Variants in ITGA8 observed in about 807,000 individuals in gnomAD.
ITGA8 encodes the protein integrin alpha-8.
A neutral mutation model predicts 142.3 loss-of-function variants in ITGA8; 91 were observed. The observed-to-expected ratio is 0.64, with a 90% CI of 0.54 to 0.76. The LOEUF (loss-of-function observed/expected upper bound fraction) is 0.76, where lower values mean the gene tolerates loss of function less well. Among genes scored for constraint, ITGA8 ranks in the 30% least tolerant of loss-of-function variants. The pLI is 0.00. For synonymous variants in ITGA8, 505 were observed against 485.2 expected (o/e 1.04, Z -0.54); for missense variants, 1,406 against 1,327.7 (o/e 1.06, Z -0.92).
Position 15,719,642 on chromosome 10 carries a change from C to G in ITGA8, c.130G>C (p.Glu44Gln), listed in dbSNP as rs749690110. ...GGGCCGCTGTACACTGTGAGCTTTT[C>G]CACGTCCAGGTTGAACGCCTGACAG... ...PACQAFNLDV[E>Q]KLTVYSGPKG... Residue 44 changes from glutamate to glutamine, a missense_variant, in exon 1 of 30, where the codon GAA (glutamate) becomes CAA (glutamine). Glu to Gln is a conservative substitution (Grantham distance 29). Transcript: ENST00000378076. 2.3e-5 allele frequency: 35 copies of G among 1,534,902 alleles called. No homozygotes were observed. The South Asian group carries it at 4.1e-4, about 18-fold the overall frequency.
intron 13 of ITGA8, among the ~76,000 whole-genome samples, chr10:15,618,742 C>T (rs936882690): frequency 2.6e-5 from 4 of 152,302 alleles, no homozygotes; most frequent in African/African-American, 7.2e-5. Flanking sequence ...TTCCTGCCCT[C>T]GAACATCAGA....
chr10:15,699,494 G>C (rs907606331), intron 2 of ITGA8, among the ~76,000 whole-genome samples: 1 of 152,304 alleles, frequency 6.6e-6, no homozygotes, highest in African/African-American at 2.4e-5. Flanking sequence ...ACATAGATCA[G>C]TCTAGCTCAT....
rs115427299 is a variant in ITGA8 at position 15,554,313 on chromosome 10, T to C, written c.2766+3761A>G. ...GACCCCCTGATGAATTGCCCTGAGTTCAGAACTGCAGGAGAGGCAGAGCCT... is the reference window on the plus strand; with the variant it reads ...GACCCCCTGATGAATTGCCCTGAGTCCAGAACTGCAGGAGAGGCAGAGCCT... On this transcript the variant is annotated intron_variant, in intron 26 of 29. Coordinates refer to ENST00000378076, the MANE Select transcript of ITGA8 (RefSeq NM_003638.3). 7.9e-3 allele frequency among the ~76,000 whole-genome samples: 1,207 copies of C among 152,270 alleles called. 15 individuals are homozygous for C. Among genetic ancestry groups the C allele is most frequent in the African/African-American group, 0.027 (1,139 of 41,544 alleles).
chr10:15,643,291 A>G (rs1484583006), intron 13 of ITGA8, among the ~76,000 whole-genome samples: 1 of 152,016 alleles, frequency 6.6e-6, no homozygotes, highest in Non-Finnish European at 1.5e-5. Context: ...AGAGATACAT[A>G]TATTTTTTGA....
At chr10:15,545,816 G>A (rs1257465768) in intron 27 of ITGA8, among the ~76,000 whole-genome samples, 1 of 152,014 alleles carries the variant, frequency 6.6e-6, no homozygotes, top group East Asian at 1.9e-4. Context: ...CTTTGTTAGA[G>A]TATGTATTAA....
chr10:15,706,677 T>G (rs1835264050), intron 2 of ITGA8, among the ~76,000 whole-genome samples: 1 of 152,182 alleles, frequency 6.6e-6, no homozygotes, highest in Non-Finnish European at 1.5e-5. Flanking sequence ...TGGTGTCAAG[T>G]GGTCCTCCTG....
intron 28 of ITGA8, among the ~76,000 whole-genome samples, chr10:15,521,289 G>A (rs987205791): frequency 6.6e-6 from 1 of 152,128 alleles, no homozygotes; most frequent in Non-Finnish European, 1.5e-5. Context: ...CTCCCAAAAT[G>A]CTGGGATTAC....
chr10:15,648,876 A>G (rs903161111), intron 11 of ITGA8, among the ~76,000 whole-genome samples: 1 of 152,224 alleles, frequency 6.6e-6, no homozygotes, highest in African/African-American at 2.4e-5. Flanking sequence ...AGGTCAACCA[A>G]TTCATTCCCT....
At chr10:15,540,620 A>C (rs1833549334) in intron 27 of ITGA8, among the ~76,000 whole-genome samples, 1 of 152,238 alleles carries the variant, frequency 6.6e-6, no homozygotes, top group Non-Finnish European at 1.5e-5. Context: ...TTGGGAGGAA[A>C]GCCAAATGTC....
chr10:15,633,795 T>C (rs78834066), intron 13 of ITGA8, among the ~76,000 whole-genome samples: 1 of 152,168 alleles, frequency 6.6e-6, no homozygotes, highest in South Asian at 2.1e-4. Context: ...CCCTCACTCA[T>C]ATATCACTAA....
intron 8 of ITGA8, among the ~76,000 whole-genome samples, chr10:15,667,783 A>G (rs1415390145): frequency 6.6e-6 from 1 of 152,028 alleles, no homozygotes; most frequent in African/African-American, 2.4e-5. Flanking sequence ...TGTACCCAGT[A>G]GTCATTCAGG....
At chr10:15,600,409 A>G (rs1249762054) in intron 20 of ITGA8, among the ~76,000 whole-genome samples, 1 of 152,254 alleles carries the variant, frequency 6.6e-6, no homozygotes, top group African/African-American at 2.4e-5. Flanking sequence ...ATGAGTAGAA[A>G]GAATTGAAAA....
chr10:15,626,525 C>G (rs748264616), intron 13 of ITGA8, among the ~76,000 whole-genome samples: 2 of 152,280 alleles, frequency 1.3e-5, no homozygotes, highest in East Asian at 3.9e-4. Flanking sequence ...GGCCTCCTTT[C>G]TCTTTCTTTT....
chr10:15,615,727 C>T (rs958421018), intron 14 of ITGA8, among the ~76,000 whole-genome samples: 2 of 152,040 alleles, frequency 1.3e-5, no homozygotes, highest in Non-Finnish European at 2.9e-5. Context: ...TTGACTAGGC[C>T]AGTCTCAAAT....
intron 24 of ITGA8, 35 bp downstream of exon 24, chr10:15,575,454 A>G (rs542103539): frequency 1.5e-6 from 2 of 1,377,656 alleles, no homozygotes; most frequent in South Asian, 2.3e-5. Flanking sequence ...TTAAGAATAA[A>G]CCCCTAACAC....
In ITGA8 at chr10:15,554,547, G is replaced by A. The variant is rs1235708932; in HGVS notation, c.2766+3527C>T. Among the ~76,000 whole-genome samples the A allele has an allele frequency of 2.0e-5, 3 of 152,120 alleles. No individual in the cohort carries two copies. The East Asian group carries it at 5.8e-4, about 29-fold the overall frequency. On this transcript the variant is annotated intron_variant, in intron 26 of 29. Coordinates refer to ENST00000378076, the MANE Select transcript of ITGA8 (RefSeq NM_003638.3). ...TCTGTGTCTGTCCTCCCCACCATGT[G>A]TGCACCCACACACTTGCACATATGC...
intron 2 of ITGA8, among the ~76,000 whole-genome samples, chr10:15,697,650 T>C (rs900964556): frequency 2.6e-5 from 4 of 152,246 alleles, no homozygotes; most frequent in African/African-American, 9.6e-5. Context: ...AATAATGGGC[T>C]TGGGCTTGGC....
chr10:15,561,802 C>T (rs1357146704), intron 25 of ITGA8, among the ~76,000 whole-genome samples: 3 of 152,148 alleles, frequency 2.0e-5, no homozygotes, highest in African/African-American at 7.2e-5. Context: ...TCCATTCACA[C>T]ACCCCTATAA....
chr10:15,649,142 C>G (rs1834040173), intron 11 of ITGA8, among the ~76,000 whole-genome samples: 1 of 151,968 alleles, frequency 6.6e-6, no homozygotes, highest in African/African-American at 2.4e-5. Context: ...GAGTGAGTGT[C>G]TAGACATGCT....
Sources: allele counts gnomAD v4.1 joint callset (sites outside exome capture counted in the v4.1 genomes callset), GRCh38; gene constraint gnomAD v4.1.1; transcripts MANE v1.5; gene names NCBI Gene and HGNC (gene_info 2026-07-23, HGNC 2026-07-21).